The following CCSER1 variants were observed in gnomAD, a reference collection of about 807,000 sequenced individuals.
CCSER1 encodes serine-rich coiled-coil domain-containing protein 1.
CCSER1 carries 41 observed loss-of-function variants against 82.0 expected under a neutral mutation model. The ratio of observed to expected loss-of-function variants is 0.50; its 90% CI spans 0.39 to 0.65. The LOEUF (loss-of-function observed/expected upper bound fraction) is 0.65. CCSER1 is among the 30% of genes least tolerant of loss of function. The probability of loss-of-function intolerance (pLI) is 0.00; values close to 1 mark genes in which losing one functional copy is unlikely to be tolerated. For synonymous variants in CCSER1, 414 were observed against 383.9 expected, an observed-to-expected ratio of 1.08 and a Z score of -0.92; for missense variants, 1,119 against 1,064.2, an observed-to-expected ratio of 1.05 and a Z score of -0.72.
intron 10 of CCSER1, among the ~76,000 whole-genome samples, chr4:91,476,452 TA>T (rs1421590973): frequency 1.3e-5 from 2 of 151,720 alleles, no homozygotes; most frequent in African/African-American, 4.8e-5. Context: ...TTAGTATTGT[TA>T]AGATGTCCAT....
intron 10 of CCSER1, among the ~76,000 whole-genome samples, chr4:91,094,694 T>C (rs766424214): frequency 5.3e-5 from 8 of 152,154 alleles, no homozygotes; most frequent in Non-Finnish European, 1.2e-4. Context: ...TGGGGCTTGA[T>C]TGATCGTCAG....
At chr4:91,547,107 C>T (rs1761931155) in intron 10 of CCSER1, among the ~76,000 whole-genome samples, 2 of 151,528 alleles carry the variant, frequency 1.3e-5, no homozygotes, top group African/African-American at 4.8e-5. Flanking sequence ...GTAGACATTG[C>T]ATGATTTATA....
At chr4:91,440,625 A>G (rs1490954239) in intron 10 of CCSER1, among the ~76,000 whole-genome samples, 1 of 152,240 alleles carries the variant, frequency 6.6e-6, no homozygotes, top group African/African-American at 2.4e-5. Flanking sequence ...AAATCAGAGC[A>G]GAACTGAAGG....
At chr4:90,194,599 A>G (rs988939454) in intron 1 of CCSER1, among the ~76,000 whole-genome samples, 4 of 152,074 alleles carry the variant, frequency 2.6e-5, no homozygotes, top group African/African-American at 9.7e-5. Context: ...AAATTTGGCC[A>G]TGTAAATATA....
intron 6 of CCSER1, among the ~76,000 whole-genome samples, chr4:90,683,504 T>C (rs1342775093): frequency 1.3e-5 from 2 of 152,018 alleles, no homozygotes; most frequent in African/African-American, 4.8e-5. Context: ...GTTGTACTTT[T>C]AAAAAATCTT....
intron 9 of CCSER1, among the ~76,000 whole-genome samples, chr4:91,024,591 A>G (rs2150536599): frequency 6.6e-6 from 1 of 152,202 alleles, no homozygotes; most frequent in South Asian, 2.1e-4. Context: ...AGGAGTTTCT[A>G]ATTCTTAAAT....
Position 91,119,322 on chromosome 4 carries a change from CT to C in CCSER1, c.2217+33329del, listed in dbSNP as rs553692685. ...TTCATACTATTAAGCCTAAAATGAACTGCCATTGTAATGTGTTTTCAGATAT... is the reference window on the plus strand; with the variant it reads ...TTCATACTATTAAGCCTAAAATGAACGCCATTGTAATGTGTTTTCAGATAT... On this transcript the variant is annotated intron_variant, in intron 10 of 10. Coordinates refer to ENST00000509176, the MANE Select transcript of CCSER1 (RefSeq NM_001145065.2). Among the ~76,000 whole-genome samples, 283 of 152,026 alleles carry C rather than the reference CT, an allele frequency of 1.9e-3. 1 individual carries two copies. Among genetic ancestry groups the C allele is most frequent in the Middle Eastern group, 3.5e-3 (1 of 288 alleles).
At chr4:90,615,675 G>T (rs906795544) in intron 5 of CCSER1, among the ~76,000 whole-genome samples, 4 of 147,438 alleles carry the variant, frequency 2.7e-5, no homozygotes, top group Non-Finnish European at 4.5e-5. Context: ...AGAAAGTGTT[G>T]TTTTTTTTTT....
At chr4:91,565,817 A>G (rs772382812) in intron 10 of CCSER1, among the ~76,000 whole-genome samples, 11 of 152,124 alleles carry the variant, frequency 7.2e-5, no homozygotes, top group Non-Finnish European at 1.5e-4. Flanking sequence ...TTCTAGATAT[A>G]GAATTATGTT....
intron 6 of CCSER1, among the ~76,000 whole-genome samples, chr4:90,708,234 C>T (rs1739773318): frequency 1.3e-5 from 2 of 152,196 alleles, no homozygotes; most frequent in African/African-American, 4.8e-5. Context: ...CCTCCATAAG[C>T]TTCAGACAAC....
chr4:91,354,140 G>T (rs1356264782), intron 10 of CCSER1, among the ~76,000 whole-genome samples: 2 of 152,182 alleles, frequency 1.3e-5, no homozygotes, highest in African/African-American at 4.8e-5. Context: ...AAAACAGCTT[G>T]TAACCGTATG....
chr4:90,491,729 G>T (rs1768052415), intron 5 of CCSER1, among the ~76,000 whole-genome samples: 1 of 152,112 alleles, frequency 6.6e-6, no homozygotes, highest in Admixed American at 6.6e-5. Flanking sequence ...AGCATGAAGT[G>T]TTGTTGAATT....
At chr4:91,369,185 G>A (rs1310478380) in intron 10 of CCSER1, among the ~76,000 whole-genome samples, 1 of 152,132 alleles carries the variant, frequency 6.6e-6, no homozygotes, top group Non-Finnish European at 1.5e-5. Context: ...GGAGTTAATG[G>A]GCATTGCTAG....
chr4:90,931,642 G>A (rs1301019123), intron 9 of CCSER1, among the ~76,000 whole-genome samples: 1 of 152,076 alleles, frequency 6.6e-6, no homozygotes, highest in Non-Finnish European at 1.5e-5. Flanking sequence ...GTTTCACTAG[G>A]CAATCAGATT....
rs370630613 is a variant in CCSER1 at position 90,456,738 on chromosome 4, T to A, written c.1604-11496T>A. 2.5e-4 allele frequency among the ~76,000 whole-genome samples: 38 copies of A among 152,300 alleles called. No individual in the cohort carries two copies. In the South Asian group the frequency reaches 7.9e-3, roughly 32 times the overall value. On this transcript the variant is annotated intron_variant, in intron 4 of 10. Transcript: ENST00000509176. Reference sequence around the variant, plus strand: ...TCAACTGGCCAAGAGAGGCATGGCATTTTTCTTTCAGTTTGGTTGTAGTGG... The same window carrying A: ...TCAACTGGCCAAGAGAGGCATGGCAATTTTCTTTCAGTTTGGTTGTAGTGG...
In CCSER1 at chr4:90,891,746, C is replaced by T. The variant is rs557062074; in HGVS notation, c.2095-31624C>T. 5.9e-5 allele frequency among the ~76,000 whole-genome samples: 9 copies of T among 152,096 alleles called. No individual in the cohort carries two copies. The East Asian group carries it at 7.7e-4, about 13-fold the overall frequency. On this transcript the variant is annotated intron_variant, in intron 8 of 10. Transcript: ENST00000509176. ...TTTCCTTGAATTCAACCTAAGAGTG[C>T]GGTTTTCATTTATGTGAAAAAAGTG...
rs149861817 is a variant in CCSER1, at chr4:90,838,343, A to G, written c.2094+22498A>G. ...GTTGTACAATTTAATTCAGTTGTCT[A>G]ATAATTAAAATAAATTGTGTAAATA... On this transcript the variant is annotated intron_variant, in intron 8 of 10. Transcript: ENST00000509176. 6.4e-3 allele frequency among the ~76,000 whole-genome samples: 973 copies of G among 151,824 alleles called. 13 individuals carry two copies. Among genetic ancestry groups the G allele is most frequent in the African/African-American group, 0.023 (936 of 41,506 alleles).
At chr4:91,337,208 T>C in intron 10 of CCSER1, among the ~76,000 whole-genome samples, 1 of 152,248 alleles carries the variant, frequency 6.6e-6, no homozygotes, top group Non-Finnish European at 1.5e-5. Flanking sequence ...TTTAGAGACA[T>C]TTAATGAGTT....
At chr4:90,255,584 A>G (rs1186140796) in intron 1 of CCSER1, among the ~76,000 whole-genome samples, 1 of 152,210 alleles carries the variant, frequency 6.6e-6, no homozygotes, top group Non-Finnish European at 1.5e-5. Flanking sequence ...TATTTTGCAA[A>G]CATAGGATTT....
Sources: allele counts gnomAD v4.1 joint callset (sites outside exome capture counted in the v4.1 genomes callset), GRCh38; gene constraint gnomAD v4.1.1; transcripts MANE v1.5; gene names NCBI Gene and HGNC (gene_info 2026-07-23, HGNC 2026-07-21).